Variants in RNF17 observed in about 807,000 individuals in gnomAD.
RNF17 encodes spermatogenesis associated 23.
A neutral mutation model predicts 200.5 loss-of-function variants in RNF17; 31 were observed. The observed-to-expected ratio is 0.15, with a 90% CI of 0.12 to 0.21. The LOEUF is 0.21. RNF17 is among the 10% of genes least tolerant of loss of function. The probability of loss-of-function intolerance (pLI) is 1.00; values close to 1 mark genes in which losing one functional copy is unlikely to be tolerated. For synonymous variants in RNF17, 606 were observed against 637.8 expected (o/e 0.95, Z 0.75); for missense variants, 1,628 against 1,905.1 (o/e 0.85, Z 2.71).
In RNF17 at chr13:24,849,801, A is replaced by G. The variant is rs765077147; in HGVS notation, c.3102-540A>G. Among the ~76,000 whole-genome samples the G allele has an allele frequency of 4.8e-4, 73 of 152,322 alleles. 1 individual carries two copies. Among genetic ancestry groups the G allele is most frequent in the South Asian group, 8.3e-4 (4 of 4,824 alleles). Reference sequence around the variant, plus strand: ...AGTAATTAAAATTTCTGGTATTTCTATTATTTATGGGTAGCAATTCAAGTT... The same window carrying G: ...AGTAATTAAAATTTCTGGTATTTCTGTTATTTATGGGTAGCAATTCAAGTT... On this transcript the variant is annotated intron_variant, in intron 22 of 35. Coordinates refer to ENST00000255324, the MANE Select transcript of RNF17 (RefSeq NM_031277.3).
At chr13:24,868,471 A>AG (rs1270301586) in intron 30 of RNF17, 129 bp from the exon 31 acceptor site, 1 of 217,302 alleles carries the variant, frequency 4.6e-6, no homozygotes, top group Non-Finnish European at 7.8e-6. Flanking sequence ...CTCCGTCTCA[A>AG]AAAAAAAAAA....
At chr13:24,759,074 G>C in the RNF17 span, among the ~76,000 whole-genome samples, 2 of 96,760 alleles carry the variant, frequency 2.1e-5, no homozygotes, top group Admixed American at 3.4e-4. Context: ...GCAAGACTGT[G>C]TCTCCAAAAA....
intron 18 of RNF17, among the ~76,000 whole-genome samples, chr13:24,834,558 C>G (rs765069007): frequency 6.6e-6 from 1 of 152,204 alleles, no homozygotes; most frequent in Admixed American, 6.5e-5. Context: ...CTCCTGAAAA[C>G]ACACTTCCAC....
intron 6 of RNF17, among the ~76,000 whole-genome samples, chr13:24,784,166 A>G (rs916575206): frequency 6.6e-6 from 1 of 152,328 alleles, no homozygotes; most frequent in African/African-American, 2.4e-5. Context: ...TGTTACATCA[A>G]TCACATGTTA....
chr13:24,883,098 T>G (rs746614905), downstream of RNF17: 64 of 1,274,312 alleles, frequency 5.0e-5, 1 homozygote, highest in Middle Eastern at 5.6e-4. Context: ...ACACAATAAA[T>G]TAAACAGAAT....
the RNF17 span, among the ~76,000 whole-genome samples, chr13:24,754,077 G>A: frequency 6.6e-6 from 1 of 151,684 alleles, no homozygotes; most frequent in African/African-American, 2.4e-5. Flanking sequence ...AGAATCACTT[G>A]AACCCGGGAG....
chr13:24,861,436 T>TA, intron 27 of RNF17, 49 bp downstream of exon 27: 1 of 1,230,206 alleles, frequency 8.1e-7, no homozygotes, highest in Non-Finnish European at 1.1e-6. Flanking sequence ...TATTAGTTTT[T>TA]ATTAATAATT....
chr13:24,857,630 G>A (rs1160153725), intron 25 of RNF17, among the ~76,000 whole-genome samples: 2 of 152,162 alleles, frequency 1.3e-5, no homozygotes, highest in African/African-American at 4.8e-5. Context: ...GGCTGGGTGC[G>A]GTGGCTTACG....
intron 15 of RNF17, 49 bp from the exon 16 acceptor site, chr13:24,825,570 C>T: frequency 7.8e-7 from 1 of 1,278,324 alleles, no homozygotes; most frequent in South Asian, 1.4e-5. Context: ...TCAACACTTA[C>T]ATTTTAAGTT....
At chr13:24,871,958 CTTTTTTTTTTTTTTT>C (rs60797153) in intron 32 of RNF17, among the ~76,000 whole-genome samples, 7 of 71,754 alleles carry the variant, frequency 9.8e-5, no homozygotes, top group African/African-American at 2.8e-4. Context: ...TTATTGATGA[CTTTTTTTTTTTTTTT>C]TTTTTTTTTT....
At chr13:24,813,274 C>T (rs1886961835) in intron 15 of RNF17, among the ~76,000 whole-genome samples, 1 of 152,146 alleles carries the variant, frequency 6.6e-6, no homozygotes, top group Non-Finnish European at 1.5e-5. Flanking sequence ...ATCCTCTAGC[C>T]TCAGCCTCCC....
chr13:24,880,348 C>A (rs1267576857), downstream of RNF17, among the ~76,000 whole-genome samples: 1 of 152,186 alleles, frequency 6.6e-6, no homozygotes, highest in Non-Finnish European at 1.5e-5. Flanking sequence ...GATCACCTCC[C>A]ACGAGGTCCC....
downstream of RNF17, chr13:24,883,255 A>G: frequency 1.2e-6 from 2 of 1,614,052 alleles, no homozygotes; most frequent in Non-Finnish European, 1.7e-6. Context: ...TCGTTTCTTG[A>G]TGACCGTTTG....
chr13:24,794,129 T>C (rs1475781984), intron 10 of RNF17: 1 of 440,692 alleles, frequency 2.3e-6, no homozygotes. Context: ...TAGTACAAGT[T>C]GTCTTTATTT....
At chr13:24,807,612 G>A (rs1472637768) in intron 15 of RNF17, among the ~76,000 whole-genome samples, 1 of 152,156 alleles carries the variant, frequency 6.6e-6, no homozygotes, top group South Asian at 2.1e-4. Flanking sequence ...TCATTCTGAT[G>A]GTAGTTTCTT....
In RNF17 at chr13:24,812,532, G is replaced by A. The variant is rs183020874; in HGVS notation, c.2091+8103G>A. On this transcript the variant is annotated intron_variant, in intron 15 of 35. Transcript: ENST00000255324. The stretch of plus-strand genomic sequence containing the variant: ...ATGGTGCATGCACCCACTGACCTGC[G>A]CCCACTGTCTGGCACTCCCTAGTGA... 9.7e-3 allele frequency among the ~76,000 whole-genome samples: 1,478 copies of A among 151,774 alleles called. 33 individuals are homozygous for A. Among genetic ancestry groups the A allele is most frequent in the African/African-American group, 0.032 (1,341 of 41,460 alleles).
At position 24,815,900 on chromosome 13, in the gene RNF17, G is replaced by C. The variant is rs78112181; in HGVS notation, c.2092-9719G>C. Among the ~76,000 whole-genome samples the C allele has an allele frequency of 3.0e-4, 45 of 152,070 alleles. No individual in the cohort carries two copies. The East Asian group carries it at 8.7e-3, about 29-fold the overall frequency. Reference sequence around the variant, plus strand: ...ATTTTGGATTTTGTTTTGTTTCCTTGTTGGTTTGTTTGGAGACAGGGTCTC... The same window carrying C: ...ATTTTGGATTTTGTTTTGTTTCCTTCTTGGTTTGTTTGGAGACAGGGTCTC... On this transcript the variant is annotated intron_variant, in intron 15 of 35. Transcript: ENST00000255324.
At chr13:24,801,726 G>A (rs1028639500) in intron 13 of RNF17, among the ~76,000 whole-genome samples, 3 of 152,114 alleles carry the variant, frequency 2.0e-5, no homozygotes, top group African/African-American at 7.2e-5. Context: ...ACTGATGATT[G>A]TAAATTTTTA....
At chr13:24,767,455 A>G in intron 2 of RNF17, 89 bp downstream of exon 2, 3 of 977,176 alleles carry the variant, frequency 3.1e-6, no homozygotes, top group Middle Eastern at 4.6e-4. Context: ...TTCTAGTTAG[A>G]AACTAAAAAG....
Sources: gnomAD v4.1 joint callset for allele counts (sites outside exome capture counted in the v4.1 genomes callset) on GRCh38, gnomAD v4.1.1 for gene constraint, MANE v1.5 for transcripts, NCBI Gene and HGNC (gene_info 2026-07-23, HGNC 2026-07-21) for gene names.